The following TCF12 variants were observed in gnomAD, a reference collection of about 807,000 sequenced individuals.
TCF12 encodes transcription factor 12.
A neutral mutation model predicts 86.0 loss-of-function variants in TCF12; 45 were observed. The observed-to-expected ratio is 0.52, with a 90% confidence interval of 0.41 to 0.67. The LOEUF is 0.67. Ranked by LOEUF, TCF12 falls within the 30% of genes least tolerant of loss-of-function variation. The pLI is 0.00. For missense variants in TCF12, 881 were observed against 859.9 expected (o/e 1.02, Z -0.31); for synonymous variants, 330 against 299.6 (o/e 1.10, Z -1.05).
At chr15:57,021,055 G>C (rs1220358509) in intron 3 of TCF12, among the ~76,000 whole-genome samples, 2 of 152,042 alleles carry the variant, frequency 1.3e-5, no homozygotes, top group Admixed American at 6.6e-5. Context: ...ATTACATTAA[G>C]AGCATCTTGA....
intron 3 of TCF12, among the ~76,000 whole-genome samples, chr15:56,966,767 G>A (rs1261499437): frequency 2.0e-5 from 3 of 152,126 alleles, no homozygotes; most frequent in Middle Eastern, 3.2e-3. Context: ...AACCTGAACT[G>A]TAGTGTCAAT....
intron 3 of TCF12, among the ~76,000 whole-genome samples, chr15:56,927,802 T>C (rs1370144752): frequency 6.6e-6 from 1 of 152,206 alleles, no homozygotes; most frequent in African/African-American, 2.4e-5. Context: ...AGGCCAGGGA[T>C]TGATGTTAAT....
intron 3 of TCF12, among the ~76,000 whole-genome samples, chr15:56,953,031 C>T (rs1034606787): frequency 1.3e-5 from 2 of 151,886 alleles, no homozygotes; most frequent in East Asian, 3.9e-4. Context: ...TCCTTCTATT[C>T]CTAGCTTCTA....
At chr15:56,956,832 T>C (rs1396606832) in intron 3 of TCF12, among the ~76,000 whole-genome samples, 1 of 152,186 alleles carries the variant, frequency 6.6e-6, no homozygotes, top group Non-Finnish European at 1.5e-5. Context: ...TTGAGCAATT[T>C]TATTATGTGA....
At chr15:57,067,933 C>T (rs1246157325) in intron 4 of TCF12, among the ~76,000 whole-genome samples, 2 of 152,140 alleles carry the variant, frequency 1.3e-5, no homozygotes, top group Non-Finnish European at 2.9e-5. Flanking sequence ...CTCTCCCTTG[C>T]TTTTTATTCT....
intron 4 of TCF12, among the ~76,000 whole-genome samples, chr15:57,067,311 C>T (rs961158777): frequency 5.3e-5 from 8 of 151,864 alleles, no homozygotes; most frequent in Non-Finnish European, 7.4e-5. Context: ...GAGGCCGAGG[C>T]GGGCGGATCA....
At chr15:56,987,538 C>G (rs1449670052) in intron 3 of TCF12, among the ~76,000 whole-genome samples, 1 of 152,098 alleles carries the variant, frequency 6.6e-6, no homozygotes, top group Non-Finnish European at 1.5e-5. Context: ...GAGAAAATTT[C>G]TTGTTGCTGC....
Position 57,228,879 on chromosome 15 carries a change from G to T in TCF12, c.580-2273G>T, listed in dbSNP as rs73415495. 9.3e-3 allele frequency among the ~76,000 whole-genome samples: 1,411 copies of T among 152,060 alleles called. 21 individuals are homozygous for T. Among genetic ancestry groups the T allele is most frequent in the African/African-American group, 0.032 (1,331 of 41,526 alleles). On this transcript the variant is annotated intron_variant, in intron 8 of 20. Transcript: ENST00000333725. ...TGTGTGAAATGACACATCAAAACTG[G>T]AGTGTTTTCATAATTATCAAGTATG...
chr15:57,191,487 G>C (rs1008240902), intron 6 of TCF12, among the ~76,000 whole-genome samples: 1 of 152,054 alleles, frequency 6.6e-6, no homozygotes, highest in Admixed American at 6.6e-5. Flanking sequence ...AAAGGAAGAA[G>C]AACAGAATTT....
chr15:57,033,136 A>G (rs2066304989), intron 3 of TCF12, among the ~76,000 whole-genome samples: 1 of 152,180 alleles, frequency 6.6e-6, no homozygotes, highest in Non-Finnish European at 1.5e-5. Context: ...AACAATAAAG[A>G]GAAAAATGAA....
chr15:57,077,132 C>T (rs972302273), intron 4 of TCF12, among the ~76,000 whole-genome samples: 3 of 152,138 alleles, frequency 2.0e-5, no homozygotes, highest in East Asian at 3.9e-4. Context: ...AACTATTCTA[C>T]GTTCTTTGCA....
At chr15:56,983,280 A>G (rs1207890642) in intron 3 of TCF12, among the ~76,000 whole-genome samples, 1 of 152,198 alleles carries the variant, frequency 6.6e-6, no homozygotes, top group African/African-American at 2.4e-5. Flanking sequence ...TAGAGAGAGA[A>G]GTTAAAGACA....
At chr15:57,013,126 C>G (rs2064937334) in intron 3 of TCF12, among the ~76,000 whole-genome samples, 1 of 151,778 alleles carries the variant, frequency 6.6e-6, no homozygotes, top group African/African-American at 2.4e-5. Context: ...TAATCTGCCT[C>G]AGATGGCGTG....
chr15:56,941,208 A>T (rs1299171677), intron 3 of TCF12, among the ~76,000 whole-genome samples: 6 of 151,650 alleles, frequency 4.0e-5, no homozygotes, highest in African/African-American at 1.5e-4. Flanking sequence ...CTACAAAAAA[A>T]TACAAAAATT....
intron 7 of TCF12, among the ~76,000 whole-genome samples, chr15:57,197,503 T>G (rs1426829642): frequency 1.3e-5 from 2 of 152,142 alleles, no homozygotes; most frequent in Non-Finnish European, 2.9e-5. Flanking sequence ...CATACTAGTT[T>G]GTTGTTTTCT....
intron 8 of TCF12, among the ~76,000 whole-genome samples, chr15:57,226,761 A>G (rs376240799): frequency 2.6e-5 from 4 of 152,270 alleles, no homozygotes; most frequent in Non-Finnish European, 1.5e-5. Flanking sequence ...AATTTATACA[A>G]TCTTAAACTG....
intron 3 of TCF12, among the ~76,000 whole-genome samples, chr15:56,976,368 G>C (rs913582878): frequency 1.3e-5 from 2 of 150,318 alleles, no homozygotes; most frequent in African/African-American, 4.9e-5. Context: ...GTAGCTGGAA[G>C]TACAGGCGGC....
chr15:57,053,675 A>G (rs1307054466), intron 3 of TCF12, among the ~76,000 whole-genome samples: 1 of 150,986 alleles, frequency 6.6e-6, no homozygotes, highest in African/African-American at 2.4e-5. Context: ...AGTTGTTTGC[A>G]TAACGCCTGT....
chr15:56,992,575 T>A (rs879402716), intron 3 of TCF12, among the ~76,000 whole-genome samples: 4 of 152,192 alleles, frequency 2.6e-5, no homozygotes, highest in Non-Finnish European at 4.4e-5. Context: ...TACCTAGTGA[T>A]GTGCTATACA....
Sources: allele counts gnomAD v4.1 joint callset (sites outside exome capture counted in the v4.1 genomes callset), GRCh38; gene constraint gnomAD v4.1.1; transcripts MANE v1.5; gene names NCBI Gene and HGNC (gene_info 2026-07-23, HGNC 2026-07-21).